LRCH3: variants seen among roughly 807,000 people sequenced by gnomAD.
LRCH3 encodes the protein leucine rich repeats and calponin homology domain containing 3.
Under a neutral mutation model 104.5 loss-of-function variants are expected in LRCH3, and 68 were observed. The ratio of observed to expected loss-of-function variants is 0.65; its 90% CI spans 0.54 to 0.80. LRCH3 has a LOEUF of 0.80. LRCH3 is among the 30% of genes least tolerant of loss of function. The pLI is 0.00. For synonymous variants in LRCH3, 344 were observed against 361.3 expected, an observed-to-expected ratio of 0.95 and a Z score of 0.54; for missense variants, 951 against 953.9, an observed-to-expected ratio of 1.00 and a Z score of 0.04.
chr3:197,883,269 C>G lies in LRCH3; in HGVS notation c.2209-272C>G. On this transcript the variant is annotated intron_variant, in intron 20 of 20. Transcript: ENST00000425562. This position sits in a 1 kb window ranked among gnomAD's most constrained non-coding sequence, Gnocchi z 4.2. ...CTTTCACCCTGCGGTATTGTTTTCCCTCTGTTGTATGTATAGATATATGCT... is the reference window on the plus strand; with the variant it reads ...CTTTCACCCTGCGGTATTGTTTTCCGTCTGTTGTATGTATAGATATATGCT... The G allele has an allele frequency of 4.4e-6, 5 of 1,136,480 alleles. No individual in the cohort carries two copies. Among genetic ancestry groups the G allele is most frequent in the Non-Finnish European group, 5.4e-6 (5 of 924,756 alleles). The allele number at this position is 1,136,480 out of a possible 1,614,324, so 70.4% of individuals were successfully genotyped here.
At chr3:197,819,680 C>T (rs1387607030) in intron 3 of LRCH3, among the ~76,000 whole-genome samples, 1 of 151,568 alleles carries the variant, frequency 6.6e-6, no homozygotes, top group African/African-American at 2.4e-5. Context: ...CGTGCTATTG[C>T]ACTCCAGCTC....
chr3:197,881,659 C>CGTT, intron 20 of LRCH3: 3 of 985,404 alleles, frequency 3.0e-6, no homozygotes, highest in Non-Finnish European at 2.4e-6. Flanking sequence ...AGCTGCTAGA[C>CGTT]GTTAATGCTG....
intron 9 of LRCH3, among the ~76,000 whole-genome samples, chr3:197,838,612 T>A (rs542337174): frequency 2.0e-5 from 3 of 152,368 alleles, no homozygotes; most frequent in African/African-American, 7.2e-5. Flanking sequence ...TTTGATAACC[T>A]TTAATCCTCT....
chr3:197,878,593 TCCACCTCCCAC>T (rs1443869555), intron 20 of LRCH3, among the ~76,000 whole-genome samples: 2 of 152,128 alleles, frequency 1.3e-5, no homozygotes, highest in Non-Finnish European at 2.9e-5. Context: ...CTTCTCCCCT[TCCACCTCCCAC>T]CCACGTCCCC....
In LRCH3 at chr3:197,791,287, C is replaced by G. The variant is rs749469059; in HGVS notation, c.9C>G (p.Ala3=). 1 of 1,608,328 alleles carries G rather than the reference C, an allele frequency of 6.2e-7. No individual in the cohort carries two copies. The highest frequency in any genetic ancestry group is 1.7e-5 in the Admixed American group (1 of 59,654). The change falls in exon 1 of 21, where the codon GCC becomes GCG. Residue 3 remains alanine, a synonymous_variant. Coordinates refer to ENST00000425562, the MANE Select transcript of LRCH3 (RefSeq NM_001365715.1). ...GTGTTGTCGGCTGGGAAATGGCGGC[C>G]GCGGGCTTGGTCGCTGTGGCAGCGG... MA[A]AGLVAVAAAA... is the part of the protein sequence containing the mutation.
chr3:197,842,694 A>G (rs894907529), intron 10 of LRCH3, among the ~76,000 whole-genome samples: 1 of 152,198 alleles, frequency 6.6e-6, no homozygotes, highest in African/African-American at 2.4e-5. Flanking sequence ...GATACAATAA[A>G]TAAAAAGTGT....
chr3:197,840,121 T>G (rs941610858), intron 10 of LRCH3, among the ~76,000 whole-genome samples: 7 of 152,174 alleles, frequency 4.6e-5, no homozygotes, highest in African/African-American at 1.7e-4. Flanking sequence ...CTCTTTCCAC[T>G]GTACTTGGTG....
Position 197,845,419 on chromosome 3 carries a change from A to AAAG in LRCH3, c.1329-1988_1329-1987insGAA, listed in dbSNP as rs1553922338. 4.6e-5 allele frequency among the ~76,000 whole-genome samples: 7 copies of AAAG among 151,708 alleles called. No homozygotes were observed. In the East Asian group the frequency reaches 1.3e-3, roughly 29 times the overall value. On this transcript the variant is annotated intron_variant, in intron 10 of 20. Coordinates refer to ENST00000425562, the MANE Select transcript of LRCH3 (RefSeq NM_001365715.1). ...ATGAGACTCTGTCAAAAAAAAAAAA[A>AAAG]AAAGAAAGAAAGAAAGAAACATAGG... is the stretch of plus-strand genomic sequence containing the variant.
chr3:197,882,543 A>AAAT (rs1713870120), intron 20 of LRCH3: 4 of 940,960 alleles, frequency 4.3e-6, no homozygotes, highest in South Asian at 4.9e-5. Context: ...AAACAAAAAA[A>AAAT]CCCAACTAGT....
chr3:197,800,902 T>G (rs1419878028), intron 1 of LRCH3, among the ~76,000 whole-genome samples: 1 of 152,128 alleles, frequency 6.6e-6, no homozygotes. Context: ...GAGACCAGCC[T>G]GACCAACATG....
intron 3 of LRCH3, among the ~76,000 whole-genome samples, chr3:197,817,870 G>T (rs1734031529): frequency 6.6e-6 from 1 of 152,106 alleles, no homozygotes; most frequent in Non-Finnish European, 1.5e-5. Context: ...ACCTAGGCTG[G>T]AGTGCAGTGG....
intron 1 of LRCH3, among the ~76,000 whole-genome samples, chr3:197,803,897 C>CCTT (rs1732170607): frequency 6.6e-6 from 1 of 152,050 alleles, no homozygotes; most frequent in Admixed American, 6.5e-5. Context: ...AAATAATTGG[C>CCTT]CTTAGTTAAT....
chr3:197,864,694 C>A (rs1580858335), intron 15 of LRCH3, among the ~76,000 whole-genome samples: 1 of 146,512 alleles, frequency 6.8e-6, no homozygotes, highest in African/African-American at 2.5e-5. Context: ...ATCCTCATTT[C>A]TTTTTCTTCT....
intron 10 of LRCH3, among the ~76,000 whole-genome samples, chr3:197,839,735 T>C (rs1295272803): frequency 6.6e-6 from 1 of 152,048 alleles, no homozygotes; most frequent in Non-Finnish European, 1.5e-5. Flanking sequence ...ATCCCAACAC[T>C]TTGGGAGGCC....
At position 197,856,956 on chromosome 3, in the gene LRCH3, G is replaced by A. The variant is rs78002325; in HGVS notation, c.1645-1878G>A. 0.017 allele frequency among the ~76,000 whole-genome samples: 2,623 copies of A among 152,308 alleles called. 98 individuals are homozygous for A. The highest frequency in any genetic ancestry group is 0.06 in the African/African-American group (2,509 of 41,554). ...TTGATTTAAAGACCTTGAAACTTAC[G>A]ATTTGAAATGAAGATTTATAACAGC... On this transcript the variant is annotated intron_variant, in intron 14 of 20. Coordinates refer to ENST00000425562, the MANE Select transcript of LRCH3 (RefSeq NM_001365715.1). This position sits in a 1 kb window ranked among gnomAD's most constrained non-coding sequence, Gnocchi z 4.2.
At position 197,881,112 on chromosome 3, in the gene LRCH3, G is replaced by A. The variant is rs141325027; in HGVS notation, c.2209-2429G>A. 6.4e-3 allele frequency: 6,799 copies of A among 1,055,390 alleles called. 27 individuals carry two copies. Among genetic ancestry groups the A allele is most frequent in the Non-Finnish European group, 7.1e-3 (6,242 of 873,096 alleles). 65.4% of individuals were successfully genotyped at this position (1,055,390 alleles called of 1,614,324 possible). A position where few individuals can be genotyped will look rare whatever the true frequency, so the allele number is the denominator to read the frequency against. ...GCCATTTTTCCGTGCCTCAGCACAA[G>A]TGTTGAATTGTGGAGTGACTGAACC... On this transcript the variant is annotated intron_variant, in intron 20 of 20. Transcript: ENST00000425562.
chr3:197,866,219 G>A lies in LRCH3; in HGVS notation c.1873G>A (p.Gly625Ser). 2 of 1,610,364 alleles carry A rather than the reference G, an allele frequency of 1.2e-6. No homozygotes were observed. The highest frequency in any genetic ancestry group is 1.1e-5 in the South Asian group (1 of 91,012). Residue 625 changes from glycine (G) to serine (S), a missense_variant and splice_region_variant, in exon 17 of 21, where the codon GGT (glycine) becomes AGT (serine). Gly to Ser is a moderately conservative substitution (Grantham distance 56, BLOSUM62 0). Coordinates refer to ENST00000425562, the MANE Select transcript of LRCH3 (RefSeq NM_001365715.1). ...AGGTGTCAGGGCAGAAACCAACAAA[G>A]GTAGGTGGTGGTGATTTTAAAAGCC... ...RAGVRAETNK[G>S]HASPLPPSAA... is the part of the protein sequence containing the mutation.
At chr3:197,804,260 AAAG>A (rs1732224316) in intron 1 of LRCH3, among the ~76,000 whole-genome samples, 1 of 152,072 alleles carries the variant, frequency 6.6e-6, no homozygotes, top group Non-Finnish European at 1.5e-5. Flanking sequence ...TGTCTCAAAA[AAAG>A]AAAAAAAAAA....
At chr3:197,880,780 C>T in intron 20 of LRCH3, 2 of 1,531,460 alleles carry the variant, frequency 1.3e-6, no homozygotes, top group South Asian at 1.2e-5. Context: ...TGTTTCTCAT[C>T]CAGAATTATT....
Sources: allele counts gnomAD v4.1 joint callset (sites outside exome capture counted in the v4.1 genomes callset), GRCh38; gene constraint gnomAD v4.1.1; non-coding constraint Gnocchi (gnomAD v3.1); transcripts MANE v1.5; gene names NCBI Gene and HGNC (gene_info 2026-07-23, HGNC 2026-07-21).